TSPAN15: variants seen among roughly 807,000 people sequenced by gnomAD.
TSPAN15 encodes tetraspanin-15.
TSPAN15 carries 20 observed loss-of-function variants against 34.5 expected under a neutral mutation model. The observed-to-expected ratio is 0.58, with a 90% CI of 0.41 to 0.84. The LOEUF is 0.84. Among genes scored for constraint, TSPAN15 ranks in the 40% least tolerant of loss-of-function variants. The probability of loss-of-function intolerance (pLI) is 0.00; values close to 1 mark genes in which losing one functional copy is unlikely to be tolerated. For synonymous variants in TSPAN15, 155 were observed against 153.9 expected (o/e 1.01, Z -0.05); for missense variants, 313 against 386.1 (o/e 0.81, Z 1.59).
chr10:69,466,359 A>C (rs781175729), intron 1 of TSPAN15, among the ~76,000 whole-genome samples: 2 of 152,108 alleles, frequency 1.3e-5, no homozygotes, highest in Non-Finnish European at 2.9e-5. Flanking sequence ...CTGCAAAATC[A>C]GGGGGTTGGG....
intron 2 of TSPAN15, 63 bp from the exon 3 acceptor site, chr10:69,485,078 C>G (rs765112154): frequency 2.2e-4 from 327 of 1,504,004 alleles, no homozygotes; most frequent in Non-Finnish European, 2.9e-4. Context: ...GATGGTGCCT[C>G]CCCTGTACCC....
chr10:69,495,484 G>A (rs761239179), intron 3 of TSPAN15, 110 bp from the exon 4 acceptor site: 72 of 763,370 alleles, frequency 9.4e-5, no homozygotes, highest in Admixed American at 1.5e-4. Context: ...GGCTGGGCGC[G>A]AGCTGCATTG....
chr10:69,454,061 TATCTCTGGTGCC>T (rs565515446), intron 1 of TSPAN15, among the ~76,000 whole-genome samples: 121 of 152,312 alleles, frequency 7.9e-4, no homozygotes, highest in South Asian at 2.3e-3. Flanking sequence ...GAAAGCCTAT[TATCTCTGGTGCC>T]ATCTCTGGTG....
At chr10:69,516,134 C>T in the TSPAN15 span, among the ~76,000 whole-genome samples, 8 of 152,178 alleles carry the variant, frequency 5.3e-5, no homozygotes, top group African/African-American at 1.4e-4. Flanking sequence ...TTACTGTTAT[C>T]GACTCTCATT....
intron 4 of TSPAN15, 85 bp downstream of exon 4, chr10:69,495,774 G>A: frequency 1.0e-6 from 1 of 962,230 alleles, no homozygotes; most frequent in Non-Finnish European, 1.6e-6. Flanking sequence ...ATGGGGTGAG[G>A]GACCAGGTGA....
At chr10:69,525,023 C>T in the TSPAN15 span, among the ~76,000 whole-genome samples, 933 of 147,696 alleles carry the variant, frequency 6.3e-3, 64 homozygotes, top group African/African-American at 0.022. Flanking sequence ...TCAGGCAATC[C>T]GCCGGCCTCA....
At chr10:69,480,969 A>G (rs977752627) in intron 1 of TSPAN15, among the ~76,000 whole-genome samples, 2 of 152,146 alleles carry the variant, frequency 1.3e-5, no homozygotes, top group African/African-American at 4.8e-5. Flanking sequence ...AAGTGCTGGG[A>G]TTACAGGCGT....
At chr10:69,528,797 C>CT in the TSPAN15 span, among the ~76,000 whole-genome samples, 1 of 148,250 alleles carries the variant, frequency 6.7e-6, no homozygotes, top group Non-Finnish European at 1.5e-5. Flanking sequence ...TAGATTGCCC[C>CT]TCTTTGCAGC....
chr10:69,460,553 C>T (rs1032872529), intron 1 of TSPAN15, among the ~76,000 whole-genome samples: 1 of 152,038 alleles, frequency 6.6e-6, no homozygotes, highest in Non-Finnish European at 1.5e-5. Flanking sequence ...TGGAAAAGAC[C>T]ACATGCACGC....
the TSPAN15 span, among the ~76,000 whole-genome samples, chr10:69,548,510 T>C: frequency 2.6e-5 from 4 of 152,172 alleles, no homozygotes; most frequent in Admixed American, 1.3e-4. Context: ...CTTGAGAGAA[T>C]GGAAACAAAT....
At chr10:69,457,605 C>G (rs1841143177) in intron 1 of TSPAN15, among the ~76,000 whole-genome samples, 1 of 152,158 alleles carries the variant, frequency 6.6e-6, no homozygotes, top group Non-Finnish European at 1.5e-5. Context: ...GCAATAGGAA[C>G]TCTTTCTGGG....
intron 1 of TSPAN15, among the ~76,000 whole-genome samples, chr10:69,473,240 G>A (rs997465891): frequency 1.3e-5 from 2 of 152,152 alleles, no homozygotes. Flanking sequence ...GCTCGCTATA[G>A]CCTTGATCTC....
chr10:69,465,342 C>A (rs191576029), intron 1 of TSPAN15, among the ~76,000 whole-genome samples: 1 of 152,320 alleles, frequency 6.6e-6, no homozygotes, highest in East Asian at 1.9e-4. Flanking sequence ...TGGGGTGGGG[C>A]CTACTTCTGG....
chr10:69,527,169 A>G, the TSPAN15 span, among the ~76,000 whole-genome samples: 8 of 148,276 alleles, frequency 5.4e-5, 2 homozygotes, highest in Non-Finnish European at 4.5e-5. Context: ...TCTAATACAT[A>G]CTACAGCACT....
chr10:69,493,327 G>A (rs1842007202), intron 3 of TSPAN15, among the ~76,000 whole-genome samples: 2 of 152,214 alleles, frequency 1.3e-5, no homozygotes, highest in South Asian at 4.1e-4. Flanking sequence ...GTTGACAGCT[G>A]CTCACAGGAG....
rs1318655634 is a variant in TSPAN15 at position 69,451,663 on chromosome 10, A to G, written c.69A>G (p.Ser23=). The change falls in exon 1 of 8, where the codon TCA becomes TCG. Residue 23 remains serine, a synonymous_variant. Transcript: ENST00000373290. ...ARFSYLWLKF[S]LIIYSTVFWL... is the part of the protein sequence containing the mutation. ...TCTCCTACCTCTGGCTCAAGTTTTCACTTATCATCTATTCCACCGTGTTCT... is the reference window on the plus strand; with the variant it reads ...TCTCCTACCTCTGGCTCAAGTTTTCGCTTATCATCTATTCCACCGTGTTCT... 1.3e-6 allele frequency: 2 copies of G among 1,542,236 alleles called. No individual in the cohort carries two copies. Among genetic ancestry groups the G allele is most frequent in the South Asian group, 2.4e-5 (2 of 81,668 alleles).
Position 69,507,229 on chromosome 10 carries a change from C to T in TSPAN15, c.*251C>T. 1 of 1,389,588 alleles carries T rather than the reference C, an allele frequency of 7.2e-7. No homozygotes were observed. The highest frequency in any genetic ancestry group is 9.3e-7 in the Non-Finnish European group (1 of 1,075,426). The allele number at this position is 1,389,588 out of a possible 1,614,324, so 86.1% of individuals were successfully genotyped here. ...CCACCTGGGGCCTGGGGAACAAGGC[C>T]CTCCTTTCTCCAGGCCTGGGCTACG... On this transcript the variant is annotated 3_prime_UTR_variant, in exon 8 of 8. Coordinates refer to ENST00000373290, the MANE Select transcript of TSPAN15 (RefSeq NM_012339.5).
chr10:69,513,369 TTCTC>T, the TSPAN15 span, among the ~76,000 whole-genome samples: 11 of 152,176 alleles, frequency 7.2e-5, no homozygotes, highest in African/African-American at 2.7e-4. Flanking sequence ...GCTTGTCTTG[TTCTC>T]TCTCTCTTTC....
At chr10:69,482,225 C>A (rs1445996165) in intron 1 of TSPAN15, among the ~76,000 whole-genome samples, 1 of 152,176 alleles carries the variant, frequency 6.6e-6, no homozygotes, top group Non-Finnish European at 1.5e-5. Context: ...TTGCAGGCGG[C>A]AACTGAGCAA....
Sources: allele counts gnomAD v4.1 joint callset (sites outside exome capture counted in the v4.1 genomes callset), GRCh38; gene constraint gnomAD v4.1.1; transcripts MANE v1.5; gene names NCBI Gene and HGNC (gene_info 2026-07-23, HGNC 2026-07-21).